Variants in ZNF385D observed in about 807,000 individuals in gnomAD.
ZNF385D encodes zinc finger protein 385D.
In ZNF385D, 15 loss-of-function variants were observed where a neutral mutation model predicts 35.8. The ratio of observed to expected loss-of-function variants is 0.42; its 90% CI spans 0.28 to 0.64. The LOEUF (loss-of-function observed/expected upper bound fraction) is 0.64. Among genes scored for constraint, ZNF385D ranks in the 30% least tolerant of loss-of-function variants. ZNF385D has a pLI of 0.23. For missense variants in ZNF385D, 474 were observed against 494.6 expected (o/e 0.96, Z 0.39); for synonymous variants, 212 against 186.8 (o/e 1.13, Z -1.10).
chr3:22,230,866 T>G (rs145882840), intron 2 of ZNF385D, among the ~76,000 whole-genome samples: 87 of 152,246 alleles, frequency 5.7e-4, no homozygotes, highest in African/African-American at 2.0e-3. Context: ...AAAAAGTGTG[T>G]GGTTAAGCCA....
chr3:21,762,184 C>T (rs1312677199), intron 3 of ZNF385D, among the ~76,000 whole-genome samples: 1 of 151,930 alleles, frequency 6.6e-6, no homozygotes, highest in Non-Finnish European at 1.5e-5. Flanking sequence ...GTCTGTCTTC[C>T]CTTTTTTATT....
At chr3:21,945,144 G>GTATA (rs1491234736) in intron 3 of ZNF385D, among the ~76,000 whole-genome samples, 1 of 150,396 alleles carries the variant, frequency 6.6e-6, no homozygotes, top group African/African-American at 2.4e-5. Context: ...ATATGTATAT[G>GTATA]CATATATATA....
chr3:21,915,663 G>T (rs1043467568), intron 3 of ZNF385D, among the ~76,000 whole-genome samples: 1 of 152,034 alleles, frequency 6.6e-6, no homozygotes, highest in Non-Finnish European at 1.5e-5. Context: ...AAACAACAAA[G>T]TGCTTTATAT....
At chr3:21,919,368 C>T (rs1275374209) in intron 3 of ZNF385D, among the ~76,000 whole-genome samples, 1 of 152,168 alleles carries the variant, frequency 6.6e-6, no homozygotes, top group Non-Finnish European at 1.5e-5. Context: ...GCCTGCCTTT[C>T]TAGGATGGAA....
chr3:22,080,963 T>C (rs1334368925), intron 3 of ZNF385D, among the ~76,000 whole-genome samples: 1 of 152,130 alleles, frequency 6.6e-6, no homozygotes, highest in Admixed American at 6.5e-5. Flanking sequence ...GAGGAACACA[T>C]GTTTGTTGTT....
chr3:22,003,479 T>A (rs777128475), intron 3 of ZNF385D, among the ~76,000 whole-genome samples: 1 of 152,224 alleles, frequency 6.6e-6, no homozygotes, highest in Non-Finnish European at 1.5e-5. Flanking sequence ...AGAATTATTA[T>A]TTTTAAGAAA....
chr3:21,545,435 T>C (rs1213156605), intron 3 of ZNF385D, among the ~76,000 whole-genome samples: 1 of 152,258 alleles, frequency 6.6e-6, no homozygotes, highest in Non-Finnish European at 1.5e-5. Flanking sequence ...ATCTATGTTC[T>C]GTTTTTCAGA....
At chr3:22,067,002 C>T (rs940096753) in intron 3 of ZNF385D, among the ~76,000 whole-genome samples, 6 of 152,138 alleles carry the variant, frequency 3.9e-5, no homozygotes, top group Admixed American at 1.3e-4. Flanking sequence ...GTCTAGATCA[C>T]GCTCAGGCAC....
intron 4 of ZNF385D, among the ~76,000 whole-genome samples, chr3:21,441,975 G>A (rs1195628088): frequency 1.3e-5 from 2 of 152,126 alleles, no homozygotes; most frequent in Non-Finnish European, 2.9e-5. Context: ...TACTGCAACT[G>A]TCACTATTTG....
At chr3:21,945,606 G>C (rs1266389931) in intron 3 of ZNF385D, among the ~76,000 whole-genome samples, 1 of 152,132 alleles carries the variant, frequency 6.6e-6, no homozygotes, top group East Asian at 1.9e-4. Context: ...TCTGGACTAA[G>C]AATTTTACAC....
Position 21,421,304 on chromosome 3 carries a change from G to C in ZNF385D, c.1098C>G (p.Phe366Leu), listed in dbSNP as rs1401372402. The C allele has an allele frequency of 1.9e-6, 3 of 1,613,978 alleles. No individual in the cohort carries two copies. Among genetic ancestry groups the C allele is most frequent in the Non-Finnish European group, 2.5e-6 (3 of 1,179,994 alleles). The change falls in exon 8 of 8, where the codon TTC (phenylalanine) becomes TTG (leucine). Residue 366 changes from phenylalanine to leucine, a missense_variant. Phe to Leu is a conservative substitution (Grantham distance 22). Coordinates refer to ENST00000281523, the MANE Select transcript of ZNF385D (RefSeq NM_024697.3). ...GTGCCGGAGGAAGCGCGGAAGTCTGGAACAGTGTTGCTGCTGGAGCAGTTC... is the reference window on the plus strand; with the variant it reads ...GTGCCGGAGGAAGCGCGGAAGTCTGCAACAGTGTTGCTGCTGGAGCAGTTC... ...SLRTAPAATL[F>L]QTSALPPALL...
chr3:21,613,318 T>C (rs777190869), intron 2 of ZNF385D, among the ~76,000 whole-genome samples: 5 of 147,806 alleles, frequency 3.4e-5, no homozygotes, highest in African/African-American at 5.0e-5. Flanking sequence ...AATGAGAAGA[T>C]AGACAAAGAA....
At chr3:21,906,000 G>C (rs769164339) in intron 3 of ZNF385D, among the ~76,000 whole-genome samples, 2 of 152,146 alleles carry the variant, frequency 1.3e-5, no homozygotes, top group Non-Finnish European at 2.9e-5. Context: ...TACCTAACAA[G>C]TGGGTTCAAG....
chr3:22,059,563 G>T (rs1427835719), intron 3 of ZNF385D, among the ~76,000 whole-genome samples: 4 of 152,182 alleles, frequency 2.6e-5, no homozygotes, highest in African/African-American at 9.7e-5. Context: ...GGTGGTGGTG[G>T]TGAGTGGAAT....
chr3:22,233,625 C>T (rs557692774), intron 2 of ZNF385D, among the ~76,000 whole-genome samples: 2 of 152,192 alleles, frequency 1.3e-5, no homozygotes, highest in East Asian at 3.9e-4. Flanking sequence ...GACCCTCCAA[C>T]TACATCATAA....
At chr3:21,930,287 A>AC (rs1225752635) in intron 3 of ZNF385D, among the ~76,000 whole-genome samples, 3 of 151,860 alleles carry the variant, frequency 2.0e-5, no homozygotes, top group Admixed American at 2.0e-4. Context: ...CAAAAAAAAA[A>AC]AAACTAGAAA....
At chr3:21,468,116 T>C (rs1703633103) in intron 4 of ZNF385D, among the ~76,000 whole-genome samples, 1 of 151,942 alleles carries the variant, frequency 6.6e-6, no homozygotes, top group Non-Finnish European at 1.5e-5. Context: ...ATAAAAGTAG[T>C]ATATGGAGCC....
At chr3:22,170,822 T>C (rs1426562070) in intron 2 of ZNF385D, among the ~76,000 whole-genome samples, 8 of 152,254 alleles carry the variant, frequency 5.3e-5, no homozygotes, top group Non-Finnish European at 7.4e-5. Flanking sequence ...ATCTCAAATA[T>C]TGTTAAGTAG....
intron 3 of ZNF385D, among the ~76,000 whole-genome samples, chr3:21,785,638 G>A (rs989973057): frequency 6.6e-6 from 1 of 152,138 alleles, no homozygotes; most frequent in Admixed American, 6.5e-5. Context: ...TCACATATAA[G>A]TGACATTTTG....
Sources: allele counts gnomAD v4.1 joint callset (sites outside exome capture counted in the v4.1 genomes callset), GRCh38; gene constraint gnomAD v4.1.1; transcripts MANE v1.5; gene names NCBI Gene and HGNC (gene_info 2026-07-23, HGNC 2026-07-21).